The following RABGAP1L variants were observed in gnomAD, a reference collection of about 807,000 sequenced individuals.
RABGAP1L encodes the protein rab GTPase-activating protein 1-like.
RABGAP1L carries 63 observed loss-of-function variants against 137.7 expected under a neutral mutation model. The observed-to-expected ratio is 0.46, with a 90% CI of 0.37 to 0.56. The LOEUF (loss-of-function observed/expected upper bound fraction) is 0.56, where lower values mean the gene tolerates loss of function less well. RABGAP1L is among the 20% of genes least tolerant of loss of function. RABGAP1L has a pLI of 0.00. For synonymous variants in RABGAP1L, 431 were observed against 433.7 expected, an observed-to-expected ratio of 0.99 and a Z score of 0.08; for missense variants, 1,095 against 1,244.0, an observed-to-expected ratio of 0.88 and a Z score of 1.80.
chr1:174,578,859 CAT>C, intron 13 of RABGAP1L, among the ~76,000 whole-genome samples: 1 of 152,120 alleles, frequency 6.6e-6, no homozygotes. Context: ...TTTATAAGAA[CAT>C]AGAGAAGATA....
chr1:174,702,061 T>G, intron 16 of RABGAP1L, 52 bp from the exon 17 acceptor site: 3 of 1,552,906 alleles, frequency 1.9e-6, no homozygotes, highest in Non-Finnish European at 2.6e-6. Flanking sequence ...GGAACTTCAT[T>G]GTTCTGCTGC....
intron 13 of RABGAP1L, among the ~76,000 whole-genome samples, chr1:174,526,052 T>A (rs1018862080): frequency 2.6e-5 from 4 of 152,156 alleles, no homozygotes; most frequent in Non-Finnish European, 4.4e-5. Context: ...TTTTTTCATA[T>A]ACCCATTGGT....
In RABGAP1L at chr1:174,241,477, C is replaced by T; in HGVS notation, c.543-6C>T. The stretch of plus-strand genomic sequence containing the variant: ...TTTTATCTAACTTTTCATTACTGTT[C>T]TACAGAATTATAGACCAATCCAGCA... On this transcript the variant is annotated splice_polypyrimidine_tract_variant and splice_region_variant and intron_variant, in intron 4 of 25. Coordinates refer to ENST00000681986, the MANE Select transcript of RABGAP1L (RefSeq NM_001366446.1). The T allele has an allele frequency of 6.6e-7, 1 of 1,513,332 alleles. No individual in the cohort carries two copies. The allele number at this position is 1,513,332 out of a possible 1,614,324, so 93.7% of individuals were successfully genotyped here.
At chr1:174,811,801 G>T (rs772872886) in intron 18 of RABGAP1L, 31 bp from the exon 19 acceptor site, 4 of 1,504,906 alleles carry the variant, frequency 2.7e-6, no homozygotes, top group Non-Finnish European at 8.9e-7. Context: ...AGGCTGAAAT[G>T]TAATGACGAT....
chr1:174,357,336 A>G (rs922805780), intron 11 of RABGAP1L, among the ~76,000 whole-genome samples: 2 of 152,178 alleles, frequency 1.3e-5, no homozygotes, highest in Non-Finnish European at 2.9e-5. Context: ...AATGTACACA[A>G]TTCTTTGTCT....
At chr1:174,779,940 C>T (rs922103145) in intron 18 of RABGAP1L, among the ~76,000 whole-genome samples, 32 of 151,874 alleles carry the variant, frequency 2.1e-4, no homozygotes, top group African/African-American at 7.7e-4. Context: ...GTGGGAGGCA[C>T]CTGTAAAACC....
At chr1:174,162,165 T>C (rs1224071001) in intron 1 of RABGAP1L, among the ~76,000 whole-genome samples, 1 of 152,296 alleles carries the variant, frequency 6.6e-6, no homozygotes, top group East Asian at 1.9e-4. Flanking sequence ...CTGGTAGTTA[T>C]GATTTTTTTT....
intron 11 of RABGAP1L, among the ~76,000 whole-genome samples, chr1:174,360,646 A>G (rs1338292189): frequency 1.3e-5 from 2 of 152,172 alleles, no homozygotes; most frequent in Admixed American, 1.3e-4. Context: ...TTGGCATTAT[A>G]CTGTAATTTA....
rs140667338 is a variant in RABGAP1L, at chr1:174,907,567, G to A, written c.2341-49890G>A. Reference sequence around the variant, plus strand: ...TGGACTCAAATGATCCACCCACCTCGGCCTCCCAAAGTGCTGGGATTACAG... The same window carrying A: ...TGGACTCAAATGATCCACCCACCTCAGCCTCCCAAAGTGCTGGGATTACAG... On this transcript the variant is annotated intron_variant, in intron 19 of 25. Coordinates refer to ENST00000681986, the MANE Select transcript of RABGAP1L (RefSeq NM_001366446.1). Among the ~76,000 whole-genome samples, 192 of 151,922 alleles carry A rather than the reference G, an allele frequency of 1.3e-3. 2 individuals are homozygous for A. The East Asian group carries it at 0.021, about 16-fold the overall frequency.
intron 13 of RABGAP1L, among the ~76,000 whole-genome samples, chr1:174,579,715 G>A (rs1572388683): frequency 6.6e-6 from 1 of 152,174 alleles, no homozygotes; most frequent in South Asian, 2.1e-4. Flanking sequence ...AGCTAAGACT[G>A]TGATGCTCTT....
intron 19 of RABGAP1L, among the ~76,000 whole-genome samples, chr1:174,929,525 T>G (rs899120469): frequency 6.6e-6 from 1 of 152,046 alleles, no homozygotes; most frequent in African/African-American, 2.4e-5. Flanking sequence ...GGAGGATCAC[T>G]TGAGGCCAGA....
In RABGAP1L at chr1:174,328,011, A is replaced by ATATATATATATATG. The variant is rs1558136499; in HGVS notation, c.1465+22897_1465+22898insGTATATATATATAT. Among the ~76,000 whole-genome samples, 225 of 134,848 alleles carry ATATATATATATATG rather than the reference A, an allele frequency of 1.7e-3. 2 individuals carry two copies. The highest frequency in any genetic ancestry group is 6.4e-3 in the African/African-American group (213 of 33,300). The allele number at this position is 134,848 out of a possible 152,430, so 88.5% of individuals were successfully genotyped here. Reference sequence around the variant, plus strand: ...CATATATATATATATATATATATATATATATATATATATACCCAACATCAG... The same window carrying ATATATATATATATG: ...CATATATATATATATATATATATATATATATATATATATGTATATATATATATACCCAACATCAG... On this transcript the variant is annotated intron_variant, in intron 11 of 25. Transcript: ENST00000681986.
intron 11 of RABGAP1L, among the ~76,000 whole-genome samples, chr1:174,347,464 C>T (rs1323744769): frequency 3.6e-5 from 5 of 139,046 alleles, no homozygotes; most frequent in Non-Finnish European, 6.1e-5. Context: ...TACATAGTGA[C>T]CCCTCTTTGT....
intron 4 of RABGAP1L, among the ~76,000 whole-genome samples, chr1:174,234,629 T>G (rs1459123524): frequency 2.6e-5 from 4 of 151,702 alleles, no homozygotes; most frequent in Non-Finnish European, 4.4e-5. Flanking sequence ...GATCTATATC[T>G]CTGTTTTGGT....
chr1:174,544,546 G>A (rs907804959), intron 13 of RABGAP1L, among the ~76,000 whole-genome samples: 2 of 152,048 alleles, frequency 1.3e-5, no homozygotes, highest in Non-Finnish European at 2.9e-5. Context: ...TTCAAACATC[G>A]TCCTTTAGCT....
rs1662575492 is a variant in RABGAP1L, at chr1:174,513,951, A to G, written c.1710+119806A>G. On this transcript the variant is annotated intron_variant, in intron 13 of 25. Coordinates refer to ENST00000681986, the MANE Select transcript of RABGAP1L (RefSeq NM_001366446.1). ...CTAACAAAATCGTGATTACTTTGGG[A>G]TGACACAGTGTCATGAAAGTCAAGA... Among the ~76,000 whole-genome samples, 5 of 152,270 alleles carry G rather than the reference A, an allele frequency of 3.3e-5. No homozygotes were observed. The South Asian group carries it at 1.0e-3, about 32-fold the overall frequency.
chr1:174,694,714 G>C (rs1260760643), intron 15 of RABGAP1L, among the ~76,000 whole-genome samples: 170 of 151,492 alleles, frequency 1.1e-3, no homozygotes, highest in African/African-American at 3.0e-3. Context: ...GGTATATACC[G>C]AGTAATGGGA....
At chr1:174,637,905 A>G (rs901632694) in intron 14 of RABGAP1L, among the ~76,000 whole-genome samples, 7 of 152,208 alleles carry the variant, frequency 4.6e-5, no homozygotes, top group African/African-American at 7.2e-5. Flanking sequence ...TGTTGTTGAT[A>G]TATTCTGAGT....
chr1:174,682,667 A>C (rs971034144), intron 14 of RABGAP1L, among the ~76,000 whole-genome samples: 2 of 152,172 alleles, frequency 1.3e-5, no homozygotes, highest in Admixed American at 1.3e-4. Flanking sequence ...GCATTAGAGA[A>C]TCCTAGATGT....
Sources: gnomAD v4.1 joint callset for allele counts (sites outside exome capture counted in the v4.1 genomes callset) on GRCh38, gnomAD v4.1.1 for gene constraint, MANE v1.5 for transcripts, NCBI Gene and HGNC (gene_info 2026-07-23, HGNC 2026-07-21) for gene names.